The following CACNB2 variants were observed in gnomAD, a reference collection of about 807,000 sequenced individuals.
CACNB2 encodes calcium voltage-gated channel auxiliary subunit beta 2, also known as voltage-dependent L-type calcium channel subunit beta-2.
In CACNB2, 42 loss-of-function variants were observed where a neutral mutation model predicts 73.3. That is an observed-to-expected ratio of 0.57 (90% CI 0.45 to 0.74). The LOEUF (loss-of-function observed/expected upper bound fraction) is 0.74. CACNB2 is among the 30% of genes least tolerant of loss of function. The probability of loss-of-function intolerance (pLI) is 0.00; values close to 1 mark genes in which losing one functional copy is unlikely to be tolerated. For synonymous variants in CACNB2, 348 were observed against 310.3 expected (o/e 1.12, Z -1.28); for missense variants, 940 against 853.0 (o/e 1.10, Z -1.27).
chr10:18,310,126 G>A (rs2039901034), intron 2 of CACNB2, among the ~76,000 whole-genome samples: 1 of 151,604 alleles, frequency 6.6e-6, no homozygotes, highest in Non-Finnish European at 1.5e-5. Context: ...CGTGCTACAG[G>A]TTTATTTTTC....
intron 2 of CACNB2, among the ~76,000 whole-genome samples, chr10:18,173,111 G>C (rs2033363436): frequency 6.6e-6 from 1 of 151,822 alleles, no homozygotes; most frequent in South Asian, 2.1e-4. Context: ...GTAGAGATGG[G>C]GTTTCACCAT....
At chr10:18,222,637 G>C (rs982157317) in intron 2 of CACNB2, among the ~76,000 whole-genome samples, 2 of 152,180 alleles carry the variant, frequency 1.3e-5, no homozygotes, top group Non-Finnish European at 2.9e-5. Flanking sequence ...AGCACATTGA[G>C]CATAAAAGAT....
intron 3 of CACNB2, among the ~76,000 whole-genome samples, chr10:18,427,979 C>G (rs76027599): frequency 0.021 from 3,225 of 152,176 alleles, 141 homozygotes; most frequent in African/African-American, 0.073. Context: ...GTTAATCACA[C>G]AAGCTTTTTA....
chr10:18,473,932 G>A (rs538980081), intron 3 of CACNB2, among the ~76,000 whole-genome samples: 1 of 152,120 alleles, frequency 6.6e-6, no homozygotes, highest in East Asian at 1.9e-4. Context: ...GCAGCTCCCC[G>A]CCACGCTGCT....
At chr10:18,513,090 G>C (rs2050922506) in intron 6 of CACNB2, 1 of 145,720 alleles carries the variant, frequency 6.9e-6, no homozygotes, top group African/African-American at 2.7e-5. Flanking sequence ...CCACCAAACA[G>C]TGACCATAAC....
intron 2 of CACNB2, among the ~76,000 whole-genome samples, chr10:18,384,285 C>T (rs1214420024): frequency 1.3e-5 from 2 of 152,084 alleles, no homozygotes; most frequent in African/African-American, 4.8e-5. Flanking sequence ...ACCTCTTTTT[C>T]TGTAATTGAA....
intron 2 of CACNB2, among the ~76,000 whole-genome samples, chr10:18,314,457 G>T (rs2040079363): frequency 6.6e-6 from 1 of 151,914 alleles, no homozygotes; most frequent in Non-Finnish European, 1.5e-5. Context: ...TGTTACATCA[G>T]TAAATATCAG....
chr10:18,458,763 CT>C lies in CACNB2; in HGVS notation c.334-39572del, dbSNP rs371122031. ...AACAGTAGGAAAAAAGTAAGGTGAACTTTTTTTTTTTTTTTTTTTTGAGACA... is the reference window on the plus strand; with the variant it reads ...AACAGTAGGAAAAAAGTAAGGTGAACTTTTTTTTTTTTTTTTTTTGAGACA... On this transcript the variant is annotated intron_variant, in intron 3 of 13. Transcript: ENST00000324631. 6.4e-3 allele frequency among the ~76,000 whole-genome samples: 786 copies of C among 122,618 alleles called. 5 individuals are homozygous for C. Among genetic ancestry groups the C allele is most frequent in the African/African-American group, 0.015 (497 of 33,342 alleles). 80.4% of individuals were successfully genotyped at this position (122,618 alleles called of 152,430 possible).
intron 2 of CACNB2, among the ~76,000 whole-genome samples, chr10:18,221,004 T>C (rs1046103548): frequency 6.6e-6 from 1 of 152,206 alleles, no homozygotes; most frequent in African/African-American, 2.4e-5. Flanking sequence ...ATACTCATGC[T>C]TGTGATCTAA....
chr10:18,331,557 A>C (rs2040808937), intron 2 of CACNB2, among the ~76,000 whole-genome samples: 1 of 151,680 alleles, frequency 6.6e-6, no homozygotes, highest in African/African-American at 2.4e-5. Context: ...TATAACTGTT[A>C]CCTCTAACTG....
In CACNB2 at chr10:18,541,107, C is replaced by A. The variant is rs1245327535; in HGVS notation, c.*1383C>A. 1.3e-5 allele frequency: 2 copies of A among 152,644 alleles called. No individual in the cohort carries two copies. The highest frequency in any genetic ancestry group is 3.9e-4 in the East Asian group (2 of 5,170). 9.5% of individuals were successfully genotyped at this position (152,644 alleles called of 1,614,324 possible). A position where few individuals can be genotyped will look rare whatever the true frequency, so the allele number is the denominator to read the frequency against. On this transcript the variant is annotated 3_prime_UTR_variant, in exon 14 of 14. Transcript: ENST00000324631. ...GGGAAAATAAATTTTTATAACTTCTCCCACTTCAATTTCTAACCTTGCCTA... is the reference window on the plus strand; with the variant it reads ...GGGAAAATAAATTTTTATAACTTCTACCACTTCAATTTCTAACCTTGCCTA...
At chr10:18,164,615 C>G (rs1228446609) in intron 2 of CACNB2, among the ~76,000 whole-genome samples, 1 of 151,724 alleles carries the variant, frequency 6.6e-6, no homozygotes, top group African/African-American at 2.4e-5. Context: ...CATGAACATC[C>G]TGAAGCTGTG....
At chr10:18,223,492 A>G (rs2035871776) in intron 2 of CACNB2, among the ~76,000 whole-genome samples, 1 of 152,206 alleles carries the variant, frequency 6.6e-6, no homozygotes, top group Non-Finnish European at 1.5e-5. Flanking sequence ...AATGTATTTT[A>G]CACGATTTTC....
intron 2 of CACNB2, among the ~76,000 whole-genome samples, chr10:18,158,963 A>C (rs1293659017): frequency 6.6e-6 from 1 of 152,190 alleles, no homozygotes; most frequent in African/African-American, 2.4e-5. Context: ...GGGGAGGTAG[A>C]GGAGGCAGTG....
intron 2 of CACNB2, among the ~76,000 whole-genome samples, chr10:18,217,625 A>G (rs1481529997): frequency 6.6e-6 from 1 of 151,960 alleles, no homozygotes; most frequent in African/African-American, 2.4e-5. Context: ...GGAGGTCAAG[A>G]TGGTCCTCAC....
At position 18,378,020 on chromosome 10, in the gene CACNB2, G is replaced by T. The variant is rs560972144; in HGVS notation, c.214-23904G>T. 4.6e-5 allele frequency among the ~76,000 whole-genome samples: 7 copies of T among 152,286 alleles called. No homozygotes were observed. In the South Asian group the frequency reaches 1.4e-3, roughly 32 times the overall value. On this transcript the variant is annotated intron_variant, in intron 2 of 13. Transcript: ENST00000324631. ...TTGTCTTCATGTTAATTAGGAGCCA[G>T]GAACATTCTGCTTCAGCTGCTTGTT...
chr10:18,315,269 G>A (rs1292164014), intron 2 of CACNB2, among the ~76,000 whole-genome samples: 7 of 151,946 alleles, frequency 4.6e-5, no homozygotes, highest in Admixed American at 1.3e-4. Context: ...GGGAGGTGGA[G>A]GTTGCAGTGA....
Position 18,150,878 on chromosome 10 carries a change from T to TTTTTTTTTTTTTTTTTTG in CACNB2, c.121-3_121-2insTTTTTTTTTTTTTTTGTT. 1 of 1,338,984 alleles carries TTTTTTTTTTTTTTTTTTG rather than the reference T, an allele frequency of 7.5e-7. No individual in the cohort carries two copies. The highest frequency in any genetic ancestry group is 1.0e-6 in the Non-Finnish European group (1 of 972,818). The allele number at this position is 1,338,984 out of a possible 1,614,324, so 82.9% of individuals were successfully genotyped here. On this transcript the variant is annotated splice_polypyrimidine_tract_variant and splice_region_variant and intron_variant, in intron 1 of 13. Coordinates refer to ENST00000324631, the MANE Select transcript of CACNB2 (RefSeq NM_201596.3). ...GTCTTTTTTTTTTTTTTTTTTTTTT[T>TTTTTTTTTTTTTTTTTTG]TTAGTCATATGGAAAAGGAGCCAGA...
At chr10:18,392,231 A>G (rs564430190) in intron 2 of CACNB2, among the ~76,000 whole-genome samples, 69 of 151,924 alleles carry the variant, frequency 4.5e-4, no homozygotes, top group African/African-American at 1.6e-3. Context: ...GCGGAAGAGG[A>G]CGTTACTAAC....
Sources: gnomAD v4.1 joint callset for allele counts (sites outside exome capture counted in the v4.1 genomes callset) on GRCh38, gnomAD v4.1.1 for gene constraint, MANE v1.5 for transcripts, NCBI Gene and HGNC (gene_info 2026-07-23, HGNC 2026-07-21) for gene names.